Variants in NBEA observed in about 807,000 individuals in gnomAD.
The protein encoded by NBEA is lysosomal-trafficking regulator 2.
A neutral mutation model predicts 343.4 loss-of-function variants in NBEA; 44 were observed. The ratio of observed to expected loss-of-function variants is 0.13; its 90% CI spans 0.10 to 0.16. NBEA has a LOEUF of 0.16. Ranked by LOEUF, NBEA falls within the 10% of genes least tolerant of loss-of-function variation. NBEA has a pLI of 1.00. For synonymous variants in NBEA, 1,175 were observed against 1,238.7 expected (o/e 0.95, Z 1.08); for missense variants, 2,555 against 3,631.3 (o/e 0.70, Z 7.62).
intron 17 of NBEA, among the ~76,000 whole-genome samples, chr13:35,139,744 G>A (rs34970702): frequency 9.8e-5 from 6 of 61,130 alleles, no homozygotes; most frequent in Non-Finnish European, 8.6e-5. Flanking sequence ...GATGGATGGC[G>A]TTTTTTTTTT....
At chr13:34,980,836 A>ATT (rs1024300251) in intron 1 of NBEA, among the ~76,000 whole-genome samples, 5 of 151,964 alleles carry the variant, frequency 3.3e-5, no homozygotes, top group African/African-American at 1.2e-4. Flanking sequence ...TTGTCGGATG[A>ATT]TTTTTCTACA....
At chr13:34,954,700 A>G (rs753715654) in intron 1 of NBEA, among the ~76,000 whole-genome samples, 2 of 152,338 alleles carry the variant, frequency 1.3e-5, no homozygotes, top group East Asian at 1.9e-4. Flanking sequence ...TAGTATTTGC[A>G]TATAACCAAT....
At chr13:34,954,830 A>G (rs1020263157) in intron 1 of NBEA, among the ~76,000 whole-genome samples, 1 of 152,186 alleles carries the variant, frequency 6.6e-6, no homozygotes, top group Non-Finnish European at 1.5e-5. Flanking sequence ...GAAAAAATGT[A>G]CATGTTCAAT....
At chr13:35,009,444 A>T (rs1267802670) in intron 1 of NBEA, among the ~76,000 whole-genome samples, 6 of 152,136 alleles carry the variant, frequency 3.9e-5, no homozygotes, top group African/African-American at 1.4e-4. Flanking sequence ...AACTGAAGGG[A>T]GAGAGCCATA....
intron 17 of NBEA, among the ~76,000 whole-genome samples, chr13:35,139,221 T>C (rs1415256565): frequency 6.6e-6 from 1 of 151,618 alleles, no homozygotes; most frequent in African/African-American, 2.4e-5. Flanking sequence ...CCACCACACC[T>C]AGCTAATTTT....
chr13:35,530,589 G>C (rs1035194574), intron 41 of NBEA, among the ~76,000 whole-genome samples: 9 of 152,000 alleles, frequency 5.9e-5, no homozygotes, highest in African/African-American at 2.2e-4. Flanking sequence ...CTTCCCCTTT[G>C]GCCTGCACTT....
chr13:35,552,783 C>T (rs942662948), intron 43 of NBEA, among the ~76,000 whole-genome samples: 1 of 152,014 alleles, frequency 6.6e-6, no homozygotes, highest in Non-Finnish European at 1.5e-5. Context: ...TTGTCTGGAC[C>T]GGAATTCATT....
At chr13:35,549,942 G>C (rs1002987832) in intron 41 of NBEA, among the ~76,000 whole-genome samples, 3 of 152,118 alleles carry the variant, frequency 2.0e-5, no homozygotes, top group South Asian at 2.1e-4. Context: ...ATTGTCTATG[G>C]CTCCTTTCAT....
chr13:35,503,981 T>C (rs1331876153), intron 41 of NBEA, among the ~76,000 whole-genome samples: 1 of 152,154 alleles, frequency 6.6e-6, no homozygotes. Context: ...ATTTGAAGTG[T>C]GCAAAATTTA....
At chr13:35,377,081 T>C (rs1233117966) in intron 38 of NBEA, among the ~76,000 whole-genome samples, 1 of 152,228 alleles carries the variant, frequency 6.6e-6, no homozygotes, top group East Asian at 1.9e-4. Flanking sequence ...GTTTGTGTTC[T>C]GCAATATTTT....
intron 4 of NBEA, among the ~76,000 whole-genome samples, chr13:35,047,638 G>C (rs1057376190): frequency 6.6e-6 from 1 of 151,734 alleles, no homozygotes; most frequent in African/African-American, 2.4e-5. Flanking sequence ...TGGAATGTGG[G>C]GTTGGGTAGT....
chr13:34,970,246 TG>T (rs1275482989), intron 1 of NBEA, among the ~76,000 whole-genome samples: 1 of 152,184 alleles, frequency 6.6e-6, no homozygotes, highest in African/African-American at 2.4e-5. Context: ...TGGCATTGTT[TG>T]TTTTTTTTCC....
intron 34 of NBEA, among the ~76,000 whole-genome samples, chr13:35,282,128 C>G (rs938493413): frequency 6.6e-6 from 1 of 151,742 alleles, no homozygotes; most frequent in Non-Finnish European, 1.5e-5. Flanking sequence ...CCGTGTTAGC[C>G]AGGATGATAT....
intron 31 of NBEA, among the ~76,000 whole-genome samples, chr13:35,200,983 T>G (rs1339579294): frequency 7.5e-6 from 1 of 132,454 alleles, no homozygotes; most frequent in Non-Finnish European, 1.6e-5. Context: ...TAATTACTTC[T>G]GAAGACTTCA....
chr13:34,982,999 A>G (rs1324282228), intron 1 of NBEA, among the ~76,000 whole-genome samples: 1 of 152,078 alleles, frequency 6.6e-6, no homozygotes, highest in Non-Finnish European at 1.5e-5. Flanking sequence ...TCTGTTCCTC[A>G]GGAATTGACC....
At chr13:35,457,011 G>T (rs561714037) in intron 40 of NBEA, among the ~76,000 whole-genome samples, 3 of 150,856 alleles carry the variant, frequency 2.0e-5, no homozygotes, top group African/African-American at 7.3e-5. Flanking sequence ...TATAGATATA[G>T]ATATATATGT....
At chr13:35,363,251 G>T (rs2040914825) in intron 38 of NBEA, among the ~76,000 whole-genome samples, 1 of 151,850 alleles carries the variant, frequency 6.6e-6, no homozygotes, top group South Asian at 2.1e-4. Context: ...AAAGCCCTGG[G>T]ATTCTTATTT....
At chr13:35,576,819 A>G (rs2080765327) in intron 45 of NBEA, among the ~76,000 whole-genome samples, 1 of 152,206 alleles carries the variant, frequency 6.6e-6, no homozygotes, top group Non-Finnish European at 1.5e-5. Flanking sequence ...ATGTTTTCCA[A>G]TACTGAGTAT....
At chr13:35,106,437 A>G (rs2065922279) in intron 11 of NBEA, among the ~76,000 whole-genome samples, 1 of 151,890 alleles carries the variant, frequency 6.6e-6, no homozygotes, top group South Asian at 2.1e-4. Context: ...TAATTCAGTT[A>G]AACATTTCCT....
Sources: allele counts gnomAD v4.1 joint callset (sites outside exome capture counted in the v4.1 genomes callset), GRCh38; gene constraint gnomAD v4.1.1; transcripts MANE v1.5; gene names NCBI Gene and HGNC (gene_info 2026-07-23, HGNC 2026-07-21).